Variants in TAF3 observed in about 807,000 individuals in gnomAD.
TAF3 encodes transcription initiation factor TFIID subunit 3.
A neutral mutation model predicts 80.6 loss-of-function variants in TAF3; 7 were observed. That is an observed-to-expected ratio of 0.09 (90% confidence interval 0.05 to 0.16). TAF3 has a LOEUF of 0.16. Ranked by LOEUF, TAF3 falls within the 10% of genes least tolerant of loss-of-function variation. TAF3 has a pLI of 1.00. For synonymous variants in TAF3, 444 were observed against 446.1 expected, an observed-to-expected ratio of 1.00 and a Z score of 0.06; for missense variants, 921 against 1,140.2, an observed-to-expected ratio of 0.81 and a Z score of 2.77.
intron 2 of TAF3, among the ~76,000 whole-genome samples, chr10:7,875,971 C>CTTTTA (rs547877509): frequency 5.4e-4 from 82 of 151,618 alleles, no homozygotes; most frequent in Middle Eastern, 3.4e-3. Flanking sequence ...TACTATTAAA[C>CTTTTA]TTTTATTTTA....
chr10:7,992,698 G>T (rs1831846622), intron 4 of TAF3, among the ~76,000 whole-genome samples: 1 of 152,140 alleles, frequency 6.6e-6, no homozygotes, highest in Non-Finnish European at 1.5e-5. Flanking sequence ...GTTCATATGT[G>T]CCCTAGTTTT....
At chr10:7,868,542 C>T (rs867200683) in intron 2 of TAF3, among the ~76,000 whole-genome samples, 34 of 152,316 alleles carry the variant, frequency 2.2e-4, no homozygotes, top group Middle Eastern at 3.4e-3. Context: ...AGTGGCTAAT[C>T]CATGTGCCTT....
At chr10:7,948,830 G>T (rs988496162) in intron 2 of TAF3, among the ~76,000 whole-genome samples, 1 of 151,914 alleles carries the variant, frequency 6.6e-6, no homozygotes, top group Non-Finnish European at 1.5e-5. Context: ...TTTTTCTTTC[G>T]AATCTTGCTT....
intron 2 of TAF3, among the ~76,000 whole-genome samples, chr10:7,933,305 T>C (rs996009431): frequency 6.6e-6 from 1 of 152,174 alleles, no homozygotes; most frequent in African/African-American, 2.4e-5. Flanking sequence ...CAGAGGCACA[T>C]AGTGGAAAGA....
chr10:7,873,629 C>CCG (rs373179493), intron 2 of TAF3, among the ~76,000 whole-genome samples: 1 of 143,202 alleles, frequency 7.0e-6, no homozygotes, highest in East Asian at 2.1e-4. Flanking sequence ...CCCCCCCCCC[C>CCG]GTCAAAAGGG....
At chr10:7,908,199 C>T (rs879872911) in intron 2 of TAF3, among the ~76,000 whole-genome samples, 7 of 152,080 alleles carry the variant, frequency 4.6e-5, no homozygotes, top group Non-Finnish European at 2.9e-5. Flanking sequence ...ACTCAGATGC[C>T]TTCCAGAACC....
chr10:7,928,588 G>T (rs1837838178), intron 2 of TAF3, among the ~76,000 whole-genome samples: 1 of 152,188 alleles, frequency 6.6e-6, no homozygotes, highest in Admixed American at 6.5e-5. Context: ...GGCCAGTGAA[G>T]CTTGTAGGAT....
At chr10:7,825,879 G>A (rs1218463049) in intron 2 of TAF3, among the ~76,000 whole-genome samples, 1 of 151,980 alleles carries the variant, frequency 6.6e-6, no homozygotes, top group South Asian at 2.1e-4. Context: ...TAGAATTGCT[G>A]GATCATATAG....
intron 2 of TAF3, among the ~76,000 whole-genome samples, chr10:7,908,058 G>A (rs1005054286): frequency 1.3e-5 from 2 of 152,172 alleles, no homozygotes; most frequent in African/African-American, 4.8e-5. Flanking sequence ...CCACAGCTCT[G>A]GGTCATCTCC....
chr10:8,009,150 G>A lies in TAF3; in HGVS notation c.2388G>A (p.Pro796=), dbSNP rs757481730. The A allele has an allele frequency of 3.7e-5, 58 of 1,576,764 alleles. No individual in the cohort carries two copies. In the South Asian group the frequency reaches 5.5e-4, roughly 15 times the overall value. The change falls in exon 5 of 7, where the codon CCG becomes CCA. Residue 796 remains proline, a synonymous_variant. Transcript: ENST00000344293. This position sits in a 1 kb window ranked among gnomAD's most constrained non-coding sequence, Gnocchi z 4.1. ...APSQNRPKTP[P]PAPAPAPGPM... is the part of the protein sequence containing the mutation. Reference sequence around the variant, plus strand: ...CGCAGAACAGGCCGAAGACCCCACCGCCGGCCCCCGCGCCCGCCCCCGGCC... The same window carrying A: ...CGCAGAACAGGCCGAAGACCCCACCACCGGCCCCCGCGCCCGCCCCCGGCC...
In TAF3 at chr10:7,954,635, A is replaced by G. The variant is rs531407118; in HGVS notation, c.410-9285A>G. On this transcript the variant is annotated intron_variant, in intron 2 of 6. Transcript: ENST00000344293. ...TCCCAGTTAACACAGAGCTCTCCAT[A>G]GTGAGATTCAGAGTGCACTCCATAT... 3.5e-4 allele frequency among the ~76,000 whole-genome samples: 49 copies of G among 138,148 alleles called. 4 individuals carry two copies. The highest frequency in any genetic ancestry group is 1.1e-3 in the African/African-American group (44 of 38,538). The allele number at this position is 138,148 out of a possible 152,430, so 90.6% of individuals were successfully genotyped here.
At chr10:7,820,695 A>G (rs190168281) in intron 1 of TAF3, among the ~76,000 whole-genome samples, 3 of 152,186 alleles carry the variant, frequency 2.0e-5, no homozygotes, top group African/African-American at 4.8e-5. Flanking sequence ...TGGTCTGGTT[A>G]TATTGCTCAG....
chr10:7,914,674 T>G (rs751119964), intron 2 of TAF3, among the ~76,000 whole-genome samples: 7 of 152,242 alleles, frequency 4.6e-5, no homozygotes, highest in Non-Finnish European at 8.8e-5. Flanking sequence ...ATTATAAATG[T>G]CTAGTTTCTT....
intron 2 of TAF3, among the ~76,000 whole-genome samples, chr10:7,932,916 G>C (rs1837882236): frequency 1.3e-5 from 2 of 151,964 alleles, no homozygotes; most frequent in East Asian, 3.9e-4. Context: ...CTGGGCTCGA[G>C]TGATCCTCCC....
chr10:7,990,294 G>A (rs1831821768), intron 4 of TAF3, among the ~76,000 whole-genome samples: 1 of 152,198 alleles, frequency 6.6e-6, no homozygotes, highest in Non-Finnish European at 1.5e-5. Flanking sequence ...ATTGTGAGTG[G>A]TAAATGGCCA....
intron 2 of TAF3, among the ~76,000 whole-genome samples, chr10:7,914,979 C>T (rs995347779): frequency 1.5e-5 from 2 of 137,408 alleles, no homozygotes; most frequent in South Asian, 2.4e-4. Flanking sequence ...CTTGCTCTGT[C>T]GCCCAGGCTG....
At chr10:7,942,889 A>C (rs1398012113) in intron 2 of TAF3, among the ~76,000 whole-genome samples, 1 of 152,246 alleles carries the variant, frequency 6.6e-6, no homozygotes, top group African/African-American at 2.4e-5. Flanking sequence ...CACAAAAATC[A>C]CATTTGCAGG....
At chr10:8,012,315 G>C (rs1339881031) in intron 5 of TAF3, among the ~76,000 whole-genome samples, 1 of 152,214 alleles carries the variant, frequency 6.6e-6, no homozygotes, top group East Asian at 1.9e-4. Context: ...CTGCCTAATG[G>C]TGTGATGTTG....
At chr10:7,845,959 G>GTTTTTTTTTTTTTTT in intron 2 of TAF3, among the ~76,000 whole-genome samples, 2 of 130,946 alleles carry the variant, frequency 1.5e-5, no homozygotes, top group Non-Finnish European at 3.2e-5. Context: ...GTGTGTTTTT[G>GTTTTTTTTTTTTTTT]TTTTTTTTTT....
Sources: gnomAD v4.1 joint callset for allele counts (sites outside exome capture counted in the v4.1 genomes callset) on GRCh38, gnomAD v4.1.1 for gene constraint, Gnocchi (gnomAD v3.1) non-coding constraint, MANE v1.5 for transcripts, NCBI Gene and HGNC (gene_info 2026-07-23, HGNC 2026-07-21) for gene names.